UTP14A: variants seen among roughly 807,000 people sequenced by gnomAD.
UTP14A encodes the protein UTP14A small subunit processome component, also known as U3 small nucleolar RNA-associated protein 14 homolog A.
A neutral mutation model predicts 57.2 loss-of-function variants in UTP14A; 5 were observed. That is an observed-to-expected ratio of 0.09 (90% CI 0.05 to 0.18). UTP14A has a LOEUF of 0.18. UTP14A is among the 10% of genes least tolerant of loss of function. The pLI is 1.00. For missense variants in UTP14A, 430 were observed against 562.1 expected (o/e 0.76, Z 2.38); for synonymous variants, 169 against 210.9 (o/e 0.80, Z 1.72).
chrX:129,913,329 G>GA (rs1451943345), intron 6 of UTP14A: 2 of 333,564 alleles, frequency 6.0e-6, no homozygotes, highest in Non-Finnish European at 1.2e-5. Context: ...TTTTCTACAT[G>GA]AAAAAGAGAT....
At chrX:129,909,332 C>T (rs1349044875) in intron 4 of UTP14A, among the ~76,000 whole-genome samples, 3 of 109,095 alleles carry the variant, frequency 2.7e-5, no homozygotes, top group Non-Finnish European at 5.7e-5. Flanking sequence ...TCCTCAGCCT[C>T]CCGAGTATCT....
Position 129,924,946 on chromosome X carries a change from G to T in UTP14A, c.1500G>T (p.Leu500=). The change falls in exon 12 of 15, where the codon CTG becomes CTT. Residue 500 remains leucine (L), a synonymous_variant. Transcript: ENST00000394422. The part of the protein sequence containing the change: ...EEPAPEEEEP[L]LLQRPERVQT... ...CTGCCCCAGAAGAAGAGGAGCCCCT[G>T]TTGCTACAGAGACCAGAGAGAGTAC... 8.3e-7 allele frequency: 1 copy of T among 1,211,657 alleles called. No homozygotes were observed. The highest frequency in any genetic ancestry group is 1.1e-6 in the Non-Finnish European group (1 of 895,548).
intron 10 of UTP14A, 199 bp from the exon 11 acceptor site, chrX:129,920,995 C>A: frequency 1.3e-5 from 10 of 747,849 alleles, no homozygotes; most frequent in Non-Finnish European, 1.6e-5. Context: ...ACCGTTGATT[C>A]CTTGAGGACA....
In UTP14A at chrX:129,920,504, A is replaced by C; in HGVS notation, c.800A>C (p.Glu267Ala). 1 of 1,212,193 alleles carries C rather than the reference A, an allele frequency of 8.2e-7. No homozygotes were observed. Among genetic ancestry groups the C allele is most frequent in the Non-Finnish European group, 1.1e-6 (1 of 895,645 alleles). Reference protein sequence around the residue: ...KKGKAKKALKEFEQLRKVNPA... With the variant: ...KKGKAKKALKAFEQLRKVNPA... ...GGAAAGGCCAAGAAAGCCCTAAAAG[A>C]GTTTGAGCAGCTGCGGAAGGTTAAT... Residue 267 changes from glutamate to alanine, a missense_variant, in exon 9 of 15, where the codon GAG becomes GCG. Coordinates refer to ENST00000394422, the MANE Select transcript of UTP14A (RefSeq NM_006649.4).
chrX:129,911,949 G>T (rs1929488181), intron 6 of UTP14A, 28 bp downstream of exon 6: 1 of 1,200,896 alleles, frequency 8.3e-7, no homozygotes, highest in African/African-American at 1.8e-5. Context: ...AAACTGAAAG[G>T]TGAGATTTTA....
chrX:129,928,384 CAAAA>C (rs1183151025), intron 14 of UTP14A, among the ~76,000 whole-genome samples: 4 of 8,761 alleles, frequency 4.6e-4, no homozygotes, highest in East Asian at 3.7e-3. Flanking sequence ...GACTCCATCT[CAAAA>C]AAAAAAAAAA....
At chrX:129,906,458 G>C (rs750223793) in intron 1 of UTP14A, among the ~76,000 whole-genome samples, 18 of 112,092 alleles carry the variant, frequency 1.6e-4, no homozygotes, top group Non-Finnish European at 2.8e-4. Flanking sequence ...TGTTGGTCCT[G>C]ATGCTGTTTC....
At position 129,911,755 on chromosome X, in the gene UTP14A, G is replaced by A; in HGVS notation, c.382-11G>A. 8.3e-7 allele frequency: 1 copy of A among 1,207,658 alleles called. No individual in the cohort carries two copies. The highest frequency in any genetic ancestry group is 1.1e-6 in the Non-Finnish European group (1 of 893,276). ...GTGGCTCTTTCCGTTTACATGCCTT[G>A]CCTGCTTCAGATCCACAGAGAAGTA... On this transcript the variant is annotated splice_polypyrimidine_tract_variant and intron_variant, in intron 5 of 14. Transcript: ENST00000394422.
rs1331188381 is a variant in UTP14A, at chrX:129,929,321, CTCCT to C, written c.2044-9_2044-6del. 8 of 1,206,888 alleles carry C rather than the reference CTCCT, an allele frequency of 6.6e-6. No homozygotes were observed. Among genetic ancestry groups the C allele is most frequent in the Non-Finnish European group, 9.0e-6 (8 of 892,375 alleles). On this transcript the variant is annotated splice_polypyrimidine_tract_variant and intron_variant, in intron 14 of 14. Coordinates refer to ENST00000394422, the MANE Select transcript of UTP14A (RefSeq NM_006649.4). ...CAGGCCTGCCTCATACCAAATCATT[CTCCT>C]TCCTTTCCAGGTACGAGTGCTTCCA...
intron 3 of UTP14A, chrX:129,908,443 C>T (rs754623183): frequency 2.3e-6 from 1 of 425,796 alleles, no homozygotes; most frequent in Non-Finnish European, 4.1e-6. Flanking sequence ...AATCTAAGTC[C>T]AATATGTTTT....
At chrX:129,917,925 C>A (rs1929750574) in intron 6 of UTP14A, among the ~76,000 whole-genome samples, 1 of 111,779 alleles carries the variant, frequency 8.9e-6, no homozygotes, top group African/African-American at 3.2e-5. Flanking sequence ...CAAAAAAATG[C>A]CATGTTTTTT....
rs761780602 is a variant in UTP14A at position 129,925,972 on chromosome X, G to A, written c.1803G>A (p.Gly601=). 3.4e-5 allele frequency: 41 copies of A among 1,209,968 alleles called. No homozygotes were observed. Among genetic ancestry groups the A allele is most frequent in the Non-Finnish European group, 4.5e-5 (40 of 895,208 alleles). Reference sequence around the variant, plus strand: ...AGATGATAAAGGAAGCTTTTGCTGGGGATGATGTCATCAGAGATTTCTTGA... The same window carrying A: ...AGATGATAAAGGAAGCTTTTGCTGGAGATGATGTCATCAGAGATTTCTTGA... ...HRQMIKEAFA[G]DDVIRDFLKE... is the part of the protein sequence containing the mutation. Residue 601 remains glycine, a synonymous_variant, in exon 13 of 15, where the codon GGG becomes GGA. Transcript: ENST00000394422.
chrX:129,919,039 C>G lies in UTP14A; in HGVS notation c.538-136C>G, dbSNP rs1001056272. ...CTGACAACAAGACTGGAACCCCCTTCTCTTGCTGTAACAGCCAATCCTATC... is the reference window on the plus strand; with the variant it reads ...CTGACAACAAGACTGGAACCCCCTTGTCTTGCTGTAACAGCCAATCCTATC... On this transcript the variant is annotated intron_variant, in intron 6 of 14. Coordinates refer to ENST00000394422, the MANE Select transcript of UTP14A (RefSeq NM_006649.4). 15 of 944,043 alleles carry G rather than the reference C, an allele frequency of 1.6e-5. No homozygotes were observed. In the African/African-American group the frequency reaches 2.1e-4, roughly 14 times the overall value. 77.8% of individuals were successfully genotyped at this position (944,043 alleles called of 1,213,427 possible).
chrX:129,919,539 G>A, intron 8 of UTP14A, 50 bp downstream of exon 8: 1 of 1,161,893 alleles, frequency 8.6e-7, no homozygotes, highest in Non-Finnish European at 1.2e-6. Context: ...AGAAAGTCAT[G>A]TGGTTCATCA....
intron 7 of UTP14A, 37 bp from the exon 8 acceptor site, chrX:129,919,358 C>T: frequency 8.3e-7 from 1 of 1,211,355 alleles, no homozygotes; most frequent in Non-Finnish European, 1.1e-6. Flanking sequence ...CATTTGTCCT[C>T]TGGCCCAGGT....
intron 6 of UTP14A, among the ~76,000 whole-genome samples, chrX:129,912,384 A>G (rs747112247): frequency 8.2e-5 from 9 of 109,559 alleles, no homozygotes; most frequent in Non-Finnish European, 1.1e-4. Context: ...GTCTCCCAAA[A>G]GTTTTGTGAT....
At chrX:129,924,063 C>A (rs944101419) in intron 11 of UTP14A, among the ~76,000 whole-genome samples, 5 of 108,833 alleles carry the variant, frequency 4.6e-5, no homozygotes, top group African/African-American at 1.7e-4. Context: ...CTCCAGCAAT[C>A]CTCCCAGCTT....
intron 1 of UTP14A, among the ~76,000 whole-genome samples, chrX:129,906,665 C>T (rs1232230755): frequency 9.5e-6 from 1 of 105,766 alleles, no homozygotes; most frequent in Non-Finnish European, 1.9e-5. Flanking sequence ...CCCACCCCGC[C>T]CCCGGAACTA....
rs189901228 is a variant in UTP14A at position 129,924,531 on chromosome X, C to T, written c.1349-264C>T. 7.0e-3 allele frequency among the ~76,000 whole-genome samples: 774 copies of T among 109,981 alleles called. 2 individuals are homozygous for T. The highest frequency in any genetic ancestry group is 0.025 in the African/African-American group (743 of 30,177). Reference sequence around the variant, plus strand: ...CGATCTCCTGACCTCATGATCTGCCCGCCTCGGCCTCCCAAAGTGCTGGGA... The same window carrying T: ...CGATCTCCTGACCTCATGATCTGCCTGCCTCGGCCTCCCAAAGTGCTGGGA... On this transcript the variant is annotated intron_variant, in intron 11 of 14. Coordinates refer to ENST00000394422, the MANE Select transcript of UTP14A (RefSeq NM_006649.4).
Sources: gnomAD v4.1 joint callset for allele counts (sites outside exome capture counted in the v4.1 genomes callset) on GRCh38, gnomAD v4.1.1 for gene constraint, MANE v1.5 for transcripts, NCBI Gene and HGNC (gene_info 2026-07-23, HGNC 2026-07-21) for gene names.